DOCK1: variants seen among roughly 807,000 people sequenced by gnomAD.
DOCK1 encodes dedicator of cytokinesis 1.
Under a neutral mutation model 262.7 loss-of-function variants are expected in DOCK1, and 138 were observed. The ratio of observed to expected loss-of-function variants is 0.53; its 90% CI spans 0.46 to 0.61. The LOEUF (loss-of-function observed/expected upper bound fraction) is 0.61, where lower values mean the gene tolerates loss of function less well. DOCK1 is among the 20% of genes least tolerant of loss of function. DOCK1 has a pLI of 0.00. For missense variants in DOCK1, 1,908 were observed against 2,370.7 expected, an observed-to-expected ratio of 0.80 and a Z score of 4.05; for synonymous variants, 866 against 867.4, an observed-to-expected ratio of 1.00 and a Z score of 0.03.
At chr10:127,448,973 C>G (rs78302180) in intron 51 of DOCK1, among the ~76,000 whole-genome samples, 1 of 151,968 alleles carries the variant, frequency 6.6e-6, no homozygotes, top group Non-Finnish European at 1.5e-5. Flanking sequence ...TTCATCATTC[C>G]CTTTGTATCA....
chr10:127,329,596 A>G (rs541148315), intron 29 of DOCK1, among the ~76,000 whole-genome samples: 1 of 151,780 alleles, frequency 6.6e-6, no homozygotes, highest in African/African-American at 2.4e-5. Context: ...GCCGGGATGG[A>G]GTCTTACAGT....
intron 46 of DOCK1, among the ~76,000 whole-genome samples, chr10:127,424,812 G>A (rs2068719991): frequency 6.6e-6 from 1 of 152,182 alleles, no homozygotes; most frequent in Admixed American, 6.5e-5. Flanking sequence ...CCTAGGGTTT[G>A]GGGCCAACTG....
At chr10:126,991,929 G>A (rs1354388722) in intron 6 of DOCK1, among the ~76,000 whole-genome samples, 4 of 152,168 alleles carry the variant, frequency 2.6e-5, no homozygotes, top group African/African-American at 9.7e-5. Flanking sequence ...ATTGGAATGT[G>A]GAAGTCAGAA....
At chr10:127,169,164 A>G (rs775650717) in intron 27 of DOCK1, among the ~76,000 whole-genome samples, 12 of 152,198 alleles carry the variant, frequency 7.9e-5, no homozygotes, top group Admixed American at 2.6e-4. Flanking sequence ...TGTCATATAC[A>G]TTATACATAC....
chr10:127,005,077 C>CT (rs1439254135), intron 10 of DOCK1, among the ~76,000 whole-genome samples: 1 of 152,046 alleles, frequency 6.6e-6, no homozygotes, highest in Non-Finnish European at 1.5e-5. Context: ...TGGCTCACAC[C>CT]TGTAATCCCA....
Position 127,218,369 on chromosome 10 carries a change from A to T in DOCK1, c.2848-29639A>T, listed in dbSNP as rs974644123. ...CTTTTGAACTTCAAGGGATTTTTCC[A>T]TTTTTTTTTGGTTGGAGGTGGTGAT... On this transcript the variant is annotated intron_variant, in intron 27 of 51. Transcript: ENST00000623213. 3.3e-5 allele frequency among the ~76,000 whole-genome samples: 5 copies of T among 151,140 alleles called. No individual in the cohort carries two copies. The South Asian group carries it at 6.3e-4, about 19-fold the overall frequency.
intron 42 of DOCK1, 137 bp downstream of exon 42, chr10:127,409,528 A>G: frequency 1.1e-6 from 1 of 884,958 alleles, no homozygotes; most frequent in South Asian, 1.6e-5. Flanking sequence ...GTCCTCTTTG[A>G]AGAGCAAGGG....
intron 10 of DOCK1, among the ~76,000 whole-genome samples, chr10:127,006,556 G>A (rs2041039974): frequency 6.6e-6 from 1 of 152,214 alleles, no homozygotes; most frequent in African/African-American, 2.4e-5. Flanking sequence ...CACTCCCTCT[G>A]CGTGGGGCTG....
At chr10:127,035,062 A>G (rs2043501834) in intron 18 of DOCK1, among the ~76,000 whole-genome samples, 1 of 152,176 alleles carries the variant, frequency 6.6e-6, no homozygotes, top group African/African-American at 2.4e-5. Flanking sequence ...ACCAGGACTG[A>G]TGGGAAGTCT....
chr10:127,132,355 G>A (rs899472523), intron 27 of DOCK1, among the ~76,000 whole-genome samples: 1 of 152,166 alleles, frequency 6.6e-6, no homozygotes, highest in Non-Finnish European at 1.5e-5. Context: ...TTGCAGAATT[G>A]TAGACCATGT....
chr10:127,099,676 C>A (rs747681027), intron 23 of DOCK1, among the ~76,000 whole-genome samples: 17 of 152,090 alleles, frequency 1.1e-4, no homozygotes, highest in African/African-American at 3.6e-4. Context: ...CTGGTTACTG[C>A]GAGGAAGGTA....
At chr10:126,929,345 C>G (rs1455698144) in intron 1 of DOCK1, among the ~76,000 whole-genome samples, 1 of 152,152 alleles carries the variant, frequency 6.6e-6, no homozygotes, top group Non-Finnish European at 1.5e-5. Flanking sequence ...CATGAGGATT[C>G]AGTGTTGACA....
intron 27 of DOCK1, among the ~76,000 whole-genome samples, chr10:127,232,213 C>T (rs1353498436): frequency 6.6e-6 from 1 of 151,954 alleles, no homozygotes; most frequent in Non-Finnish European, 1.5e-5. Flanking sequence ...TACCATTTAG[C>T]TTAAGAAGTT....
chr10:127,300,252 A>T (rs564451663), intron 29 of DOCK1, among the ~76,000 whole-genome samples: 1 of 152,216 alleles, frequency 6.6e-6, no homozygotes. Flanking sequence ...TGTTGAAGAC[A>T]GATTAGAAGG....
chr10:127,029,027 AT>A (rs761689689), intron 16 of DOCK1, among the ~76,000 whole-genome samples: 51 of 152,354 alleles, frequency 3.3e-4, no homozygotes, highest in Middle Eastern at 6.8e-3. Context: ...TAATTAATAA[AT>A]TACACTAGGG....
intron 27 of DOCK1, among the ~76,000 whole-genome samples, chr10:127,235,492 A>C (rs917048285): frequency 6.6e-6 from 1 of 152,164 alleles, no homozygotes; most frequent in Non-Finnish European, 1.5e-5. Context: ...AGTACTATTC[A>C]TCATGCAGAT....
At chr10:126,946,995 C>A (rs1330716585) in intron 1 of DOCK1, among the ~76,000 whole-genome samples, 6 of 152,202 alleles carry the variant, frequency 3.9e-5, no homozygotes, top group Non-Finnish European at 7.3e-5. Context: ...TGATCCTGTC[C>A]CCCCATCCCT....
At chr10:127,020,381 T>C (rs2042325960) in intron 13 of DOCK1, among the ~76,000 whole-genome samples, 1 of 152,084 alleles carries the variant, frequency 6.6e-6, no homozygotes, top group African/African-American at 2.4e-5. Context: ...GTTTCCCTTA[T>C]GATGGATAGA....
At chr10:127,023,405 A>T in intron 14 of DOCK1, 81 bp downstream of exon 14, 1 of 1,567,960 alleles carries the variant, frequency 6.4e-7, no homozygotes, top group Non-Finnish European at 8.7e-7. Flanking sequence ...TACAGCATAG[A>T]TGTCGTCAGG....
Sources: allele counts gnomAD v4.1 joint callset (sites outside exome capture counted in the v4.1 genomes callset), GRCh38; gene constraint gnomAD v4.1.1; transcripts MANE v1.5; gene names NCBI Gene and HGNC (gene_info 2026-07-23, HGNC 2026-07-21).